The following HROB variants were observed in gnomAD, a reference collection of about 807,000 sequenced individuals.
The protein encoded by HROB is homologous recombination factor with OB-fold.
Under a neutral mutation model 61.0 loss-of-function variants are expected in HROB, and 44 were observed. The ratio of observed to expected loss-of-function variants is 0.72; its 90% CI spans 0.57 to 0.93. The LOEUF (loss-of-function observed/expected upper bound fraction) is 0.93. Among genes scored for constraint, HROB ranks in the 40% least tolerant of loss-of-function variants. The pLI is 0.00. For synonymous variants in HROB, 301 were observed against 310.4 expected (o/e 0.97, Z 0.32); for missense variants, 716 against 796.2 (o/e 0.90, Z 1.21).
intron 4 of HROB, among the ~76,000 whole-genome samples, chr17:44,152,092 G>A (rs757667337): frequency 1.0e-3 from 153 of 152,014 alleles, no homozygotes; most frequent in Non-Finnish European, 1.8e-3. Flanking sequence ...TGATCTGCCC[G>A]CCTTGGCCTC....
intron 2 of HROB, 105 bp downstream of exon 2, chr17:44,145,358 C>A: frequency 7.4e-7 from 1 of 1,358,984 alleles, no homozygotes; most frequent in African/African-American, 1.5e-5. Flanking sequence ...TTTTAGTTGA[C>A]ATGTGTATGT....
intron 3 of HROB, among the ~76,000 whole-genome samples, 154 bp downstream of exon 3, chr17:44,149,181 C>G (rs948852952): frequency 6.6e-6 from 1 of 152,162 alleles, no homozygotes; most frequent in African/African-American, 2.4e-5. Flanking sequence ...AAGGGAAGAA[C>G]TGAATGCTAG....
chr17:44,162,095 A>G lies in HROB; in HGVS notation c.*163A>G. 2 of 683,888 alleles carry G rather than the reference A, an allele frequency of 2.9e-6. No homozygotes were observed. Among genetic ancestry groups the G allele is most frequent in the Non-Finnish European group, 4.8e-6 (2 of 415,572 alleles). 42.4% of individuals were successfully genotyped at this position (683,888 alleles called of 1,614,324 possible). A position where few individuals can be genotyped will look rare whatever the true frequency, so the allele number is the denominator to read the frequency against. On this transcript the variant is annotated 3_prime_UTR_variant, in exon 10 of 10. Coordinates refer to ENST00000585683, the MANE Select transcript of HROB (RefSeq NM_001171251.3). Reference sequence around the variant, plus strand: ...GGGTGTTTTCCCTGAGAGCCCCCTCATCTCTGCGCTGCCCTCACTTTGGGC... The same window carrying G: ...GGGTGTTTTCCCTGAGAGCCCCCTCGTCTCTGCGCTGCCCTCACTTTGGGC...
chr17:44,149,462 T>C (rs1225865468), intron 3 of HROB, among the ~76,000 whole-genome samples: 1 of 152,212 alleles, frequency 6.6e-6, no homozygotes, highest in East Asian at 1.9e-4. Flanking sequence ...TTGGCCAGGC[T>C]GGTCTCGAAC....
rs2053752130 is a variant in HROB at position 44,150,062 on chromosome 17, A to AAC, written c.1225-897_1225-896dup. 3.3e-5 allele frequency among the ~76,000 whole-genome samples: 5 copies of AAC among 152,272 alleles called. No individual in the cohort carries two copies. In the South Asian group the frequency reaches 1.0e-3, roughly 32 times the overall value. ...GAGCAAGGTGCTCTCAGATCCACAG[A>AAC]ACAGTTCATTGTGGCAGGTGTGGGG... is the stretch of plus-strand genomic sequence containing the variant. On this transcript the variant is annotated intron_variant, in intron 3 of 9. Coordinates refer to ENST00000585683, the MANE Select transcript of HROB (RefSeq NM_001171251.3).
At chr17:44,156,375 A>G (rs1164560035) in intron 8 of HROB, among the ~76,000 whole-genome samples, 1 of 151,928 alleles carries the variant, frequency 6.6e-6, no homozygotes, top group African/African-American at 2.4e-5. Context: ...AGCTGGGACC[A>G]TGCCCAACTA....
rs147619452 is a variant in HROB, at chr17:44,148,103, C to A, written c.300C>A (p.Pro100=). The part of the protein sequence containing the change: ...DSRPSCIGAA[P]LRPVSTSSSW... ...GTCCATCATGCATAGGAGCAGCTCC[C>A]CTAAGGCCTGTCTCTACTTCCAGCA... Residue 100 remains proline, a synonymous_variant, in exon 3 of 10, where the codon CCC becomes CCA. Transcript: ENST00000585683. 1.2e-6 allele frequency: 2 copies of A among 1,614,180 alleles called. No individual in the cohort carries two copies. Among genetic ancestry groups the A allele is most frequent in the South Asian group, 2.2e-5 (2 of 91,088 alleles).
rs998585913 is a variant in HROB, at chr17:44,154,680, C to T, written c.1558+16C>T. On this transcript the variant is annotated intron_variant, in intron 6 of 9. Transcript: ENST00000585683. The stretch of plus-strand genomic sequence containing the variant: ...GACCCCACGGGTAAGGAATTAGGTC[C>T]TAGGTTGTCTGGTGAGTGGGCTCCA... 1.8e-5 allele frequency: 29 copies of T among 1,612,742 alleles called. No individual in the cohort carries two copies. Among genetic ancestry groups the T allele is most frequent in the Non-Finnish European group, 2.5e-5 (29 of 1,178,908 alleles).
chr17:44,149,440 A>G (rs1442162797), intron 3 of HROB, among the ~76,000 whole-genome samples: 1 of 151,958 alleles, frequency 6.6e-6, no homozygotes, highest in Non-Finnish European at 1.5e-5. Context: ...GTAGAGACAG[A>G]GTTTCACCAT....
chr17:44,148,572 T>C lies in HROB; in HGVS notation c.769T>C (p.Leu257=). The C allele has an allele frequency of 6.2e-7, 1 of 1,613,988 alleles. No individual in the cohort carries two copies. Among genetic ancestry groups the C allele is most frequent in the African/African-American group, 1.3e-5 (1 of 75,016 alleles). The change falls in exon 3 of 10, where the codon TTA becomes CTA. Residue 257 remains leucine, a synonymous_variant. Coordinates refer to ENST00000585683, the MANE Select transcript of HROB (RefSeq NM_001171251.3). Reference sequence around the variant, plus strand: ...GGGTCACCTTCCTGTTCCAACTGCCTTAACAGTTCCCACTCAGCAACTCCA... The same window carrying C: ...GGGTCACCTTCCTGTTCCAACTGCCCTAACAGTTCCCACTCAGCAACTCCA... The part of the protein sequence containing the change: ...AVGHLPVPTA[L]TVPTQQLHWE...
intron 3 of HROB, among the ~76,000 whole-genome samples, chr17:44,149,246 T>A (rs978869031): frequency 7.7e-6 from 1 of 130,600 alleles, no homozygotes. Context: ...ATTTTCTTTT[T>A]TCTTCTCCTT....
At chr17:44,155,525 C>A in intron 8 of HROB, 114 bp downstream of exon 8, 1 of 1,459,302 alleles carries the variant, frequency 6.9e-7, no homozygotes. Flanking sequence ...GGCAGGTGCT[C>A]TGAGGTGAAA....
intron 5 of HROB, 132 bp downstream of exon 5, chr17:44,152,909 C>T: frequency 8.5e-7 from 1 of 1,175,526 alleles, no homozygotes; most frequent in South Asian, 1.6e-5. Flanking sequence ...CACGAAGCCC[C>T]TTTGGTTGTA....
chr17:44,158,926 C>T (rs1004679329), intron 9 of HROB, among the ~76,000 whole-genome samples: 2 of 152,000 alleles, frequency 1.3e-5, no homozygotes, highest in Admixed American at 1.3e-4. Context: ...GGATTACAGG[C>T]GTGAGCCACC....
In HROB at chr17:44,151,041, A is replaced by T. The variant is rs370671551; in HGVS notation, c.1305A>T (p.Thr435=). ...PTHGALAKFQ[T]EIVASSQASV... is the part of the protein sequence containing the mutation. ...ATGGTGCTCTGGCTAAATTCCAGAC[A>T]GAGGTAACTTATGCAAATGTTAACT... Residue 435 remains threonine, a synonymous_variant, in exon 4 of 10, where the codon ACA becomes ACT. Coordinates refer to ENST00000585683, the MANE Select transcript of HROB (RefSeq NM_001171251.3). 6.2e-7 allele frequency: 1 copy of T among 1,610,886 alleles called. No individual in the cohort carries two copies. The highest frequency in any genetic ancestry group is 1.3e-5 in the African/African-American group (1 of 74,864).
At chr17:44,149,079 TC>T in intron 3 of HROB, 52 bp downstream of exon 3, 1 of 1,493,112 alleles carries the variant, frequency 6.7e-7, no homozygotes. Context: ...GAAGCAGGGT[TC>T]CAGCACTGTC....
At chr17:44,161,730 A>G (rs889621388) in intron 9 of HROB, 141 bp from the exon 10 acceptor site, 13 of 819,292 alleles carry the variant, frequency 1.6e-5, no homozygotes, top group South Asian at 2.9e-5. Context: ...GCCCATTGGC[A>G]TGGGTACCAC....
intron 1 of HROB, among the ~76,000 whole-genome samples, chr17:44,144,741 CTTTTT>C (rs5820524): frequency 7.8e-6 from 1 of 128,932 alleles, no homozygotes; most frequent in Non-Finnish European, 1.6e-5. Context: ...ATACTTGGGT[CTTTTT>C]TTTTTTTTTT....
chr17:44,142,568 CTT>C (rs1159877009), intron 1 of HROB, among the ~76,000 whole-genome samples: 1 of 151,384 alleles, frequency 6.6e-6, no homozygotes, highest in African/African-American at 2.4e-5. Flanking sequence ...CCGCCCACCC[CTT>C]TCACTCTGAC....
Sources: allele counts gnomAD v4.1 joint callset (sites outside exome capture counted in the v4.1 genomes callset), GRCh38; gene constraint gnomAD v4.1.1; transcripts MANE v1.5; gene names NCBI Gene and HGNC (gene_info 2026-07-23, HGNC 2026-07-21).